The following NDST3 variants were observed in gnomAD, a reference collection of about 807,000 sequenced individuals.
The protein encoded by NDST3 is N-deacetylase and N-sulfotransferase 3.
Under a neutral mutation model 96.1 loss-of-function variants are expected in NDST3, and 58 were observed. The observed-to-expected ratio is 0.60, with a 90% CI of 0.49 to 0.75. The LOEUF is 0.75. NDST3 is among the 30% of genes least tolerant of loss of function. The probability of loss-of-function intolerance (pLI) is 0.00; values close to 1 mark genes in which losing one functional copy is unlikely to be tolerated. For synonymous variants in NDST3, 333 were observed against 359.7 expected (o/e 0.93, Z 0.84); for missense variants, 788 against 1,034.2 (o/e 0.76, Z 3.27).
intron 6 of NDST3, among the ~76,000 whole-genome samples, chr4:118,161,583 C>T (rs1303111105): frequency 6.6e-6 from 1 of 152,170 alleles, no homozygotes; most frequent in Non-Finnish European, 1.5e-5. Context: ...ATGGTGGGCG[C>T]CTATCCCCCA....
intron 6 of NDST3, among the ~76,000 whole-genome samples, chr4:118,216,052 T>C (rs1739175870): frequency 6.6e-6 from 1 of 152,160 alleles, no homozygotes; most frequent in Admixed American, 6.6e-5. Flanking sequence ...ATAGCTCCTA[T>C]TGTGTGTTTG....
At chr4:118,155,441 G>T (rs1734657236) in intron 6 of NDST3, among the ~76,000 whole-genome samples, 1 of 152,162 alleles carries the variant, frequency 6.6e-6, no homozygotes, top group Admixed American at 6.5e-5. Flanking sequence ...GTCCAGGGTT[G>T]GTTCTTGCCT....
chr4:118,200,318 T>C (rs2140475), intron 6 of NDST3, among the ~76,000 whole-genome samples: 106,186 of 152,046 alleles, frequency 0.7, 40,280 homozygotes, highest in South Asian at 0.87. Flanking sequence ...GAGCCTCACC[T>C]CATGGCCACG....
At position 118,117,622 on chromosome 4, in the gene NDST3, C is replaced by T. The variant is rs144056632; in HGVS notation, c.1224+2662C>T. Among the ~76,000 whole-genome samples, 168 of 152,030 alleles carry T rather than the reference C, an allele frequency of 1.1e-3. 1 individual carries two copies. Among genetic ancestry groups the T allele is most frequent in the African/African-American group, 3.9e-3 (161 of 41,438 alleles). The stretch of plus-strand genomic sequence containing the variant: ...ATTTCTTTTAATTCTCAAATTAACC[C>T]GGAATTGTAGGTCTATTTATTTTCC... On this transcript the variant is annotated intron_variant, in intron 4 of 13. Coordinates refer to ENST00000296499, the MANE Select transcript of NDST3 (RefSeq NM_004784.3).
chr4:118,080,895 A>G (rs1450720646), intron 2 of NDST3, among the ~76,000 whole-genome samples: 1 of 152,172 alleles, frequency 6.6e-6, no homozygotes, highest in Non-Finnish European at 1.5e-5. Context: ...ACCCTGTGGA[A>G]AACCAAAGAT....
At chr4:118,241,273 A>G (rs1162131497) in intron 11 of NDST3, among the ~76,000 whole-genome samples, 1 of 151,182 alleles carries the variant, frequency 6.6e-6, no homozygotes, top group African/African-American at 2.5e-5. Context: ...AATAAAATGA[A>G]AAGTTCAGTT....
chr4:118,209,578 C>T (rs905231831), intron 6 of NDST3, among the ~76,000 whole-genome samples: 1 of 152,148 alleles, frequency 6.6e-6, no homozygotes, highest in African/African-American at 2.4e-5. Context: ...CAATCTTTAG[C>T]TCGTAATAAA....
intron 6 of NDST3, among the ~76,000 whole-genome samples, chr4:118,189,379 T>C (rs767381088): frequency 6.6e-6 from 1 of 152,204 alleles, no homozygotes; most frequent in Non-Finnish European, 1.5e-5. Context: ...AAACATTTCT[T>C]ATTTGTCACT....
At chr4:118,190,931 C>T (rs907104711) in intron 6 of NDST3, among the ~76,000 whole-genome samples, 6 of 152,258 alleles carry the variant, frequency 3.9e-5, no homozygotes, top group Admixed American at 2.0e-4. Flanking sequence ...TTATCACATA[C>T]GCATAATACA....
At chr4:118,217,646 AAAG>A (rs2125990370) in intron 6 of NDST3, among the ~76,000 whole-genome samples, 1 of 152,092 alleles carries the variant, frequency 6.6e-6, no homozygotes, top group East Asian at 1.9e-4. Flanking sequence ...AGTCAAGGAG[AAAG>A]AAGAACATGA....
chr4:118,161,886 G>A (rs1396970980), intron 6 of NDST3, among the ~76,000 whole-genome samples: 1 of 152,066 alleles, frequency 6.6e-6, no homozygotes, highest in Non-Finnish European at 1.5e-5. Context: ...CCACTGTCCT[G>A]CGCCCACTGT....
At chr4:118,060,011 T>C (rs1725765240) in intron 2 of NDST3, among the ~76,000 whole-genome samples, 1 of 152,126 alleles carries the variant, frequency 6.6e-6, no homozygotes, top group Non-Finnish European at 1.5e-5. Context: ...ACTTTATAAC[T>C]GGATACAGTA....
intron 6 of NDST3, among the ~76,000 whole-genome samples, chr4:118,162,649 A>T (rs1401986484): frequency 1.3e-5 from 2 of 149,694 alleles, no homozygotes; most frequent in African/African-American, 4.9e-5. Flanking sequence ...TAAAAACCCT[A>T]GAAGAAAACC....
At chr4:118,149,296 T>G (rs1445321026) in intron 6 of NDST3, among the ~76,000 whole-genome samples, 1 of 152,108 alleles carries the variant, frequency 6.6e-6, no homozygotes, top group African/African-American at 2.4e-5. Flanking sequence ...GTGAAGAAAG[T>G]CATTGGTAGC....
At chr4:118,172,763 A>G (rs1257243736) in intron 6 of NDST3, among the ~76,000 whole-genome samples, 7 of 152,100 alleles carry the variant, frequency 4.6e-5, no homozygotes, top group African/African-American at 1.4e-4. Flanking sequence ...TTCCTATCTA[A>G]TTATGTATTA....
intron 4 of NDST3, among the ~76,000 whole-genome samples, chr4:118,119,036 CT>C: frequency 6.6e-6 from 1 of 152,138 alleles, no homozygotes; most frequent in South Asian, 2.1e-4. Flanking sequence ...ATACTTAATG[CT>C]TTTATAGACA....
intron 8 of NDST3, among the ~76,000 whole-genome samples, chr4:118,227,244 C>T (rs1209535946): frequency 6.7e-6 from 1 of 149,762 alleles, no homozygotes; most frequent in East Asian, 2.0e-4. Context: ...TTTTTCCCCC[C>T]CAAATGTTTT....
rs564918284 is a variant in NDST3, at chr4:118,040,086, C to T, written c.-156+5494C>T. 2.0e-5 allele frequency among the ~76,000 whole-genome samples: 3 copies of T among 152,194 alleles called. No individual in the cohort carries two copies. The South Asian group carries it at 6.2e-4, about 32-fold the overall frequency. ...AGTAAAAGAAGGTGTTAAGGATGCA[C>T]GTAGGTGATTGTGGGACCATGAGGA... On this transcript the variant is annotated intron_variant, in intron 1 of 13. Coordinates refer to ENST00000296499, the MANE Select transcript of NDST3 (RefSeq NM_004784.3).
At chr4:118,182,063 C>G (rs998005524) in intron 6 of NDST3, among the ~76,000 whole-genome samples, 2 of 152,144 alleles carry the variant, frequency 1.3e-5, no homozygotes, top group African/African-American at 4.8e-5. Context: ...GAAAAAGATT[C>G]AGACAATGCT....
Sources: gnomAD v4.1 joint callset for allele counts (sites outside exome capture counted in the v4.1 genomes callset) on GRCh38, gnomAD v4.1.1 for gene constraint, MANE v1.5 for transcripts, NCBI Gene and HGNC (gene_info 2026-07-23, HGNC 2026-07-21) for gene names.